Variants in ELOVL2 observed in about 807,000 individuals in gnomAD.
ELOVL2 encodes very long chain fatty acid elongase 2.
In ELOVL2, 38 loss-of-function variants were observed where a neutral mutation model predicts 37.7. The observed-to-expected ratio is 1.01, with a 90% CI of 0.78 to 1.32. The LOEUF is 1.32. Among genes scored for constraint, ELOVL2 ranks in the 40% most tolerant of loss-of-function variants. The pLI is 0.00. For missense variants in ELOVL2, 352 were observed against 363.6 expected (o/e 0.97, Z 0.26); for synonymous variants, 115 against 122.3 (o/e 0.94, Z 0.40).
intron 6 of ELOVL2, 51 bp from the exon 7 acceptor site, chr6:10,989,888 C>G (rs373629160): frequency 5.6e-6 from 9 of 1,608,712 alleles, no homozygotes; most frequent in East Asian, 2.2e-5. Flanking sequence ...CTGTGCCACA[C>G]AGACACTGCG....
chr6:10,991,361 A>C (rs971748857), intron 5 of ELOVL2, among the ~76,000 whole-genome samples: 4 of 152,180 alleles, frequency 2.6e-5, no homozygotes, highest in Non-Finnish European at 4.4e-5. Flanking sequence ...TCTGCGAGCT[A>C]TCCTGTGGTG....
chr6:11,044,269 G>C lies in ELOVL2; in HGVS notation c.-39C>G, dbSNP rs773397569. On this transcript the variant is annotated 5_prime_UTR_variant, in exon 1 of 8. Coordinates refer to ENST00000354666, the MANE Select transcript of ELOVL2 (RefSeq NM_017770.4). The surrounding 1 kb of genome is among the most constrained non-coding windows in gnomAD (Gnocchi z 5.6). The stretch of plus-strand genomic sequence containing the variant: ...TGTGGCGCGGCGACCCGGGCGGGCG[G>C]CGATGCGCTGTCCAGGGTAGCCGGG... 6.8e-6 allele frequency: 9 copies of C among 1,318,386 alleles called. No homozygotes were observed. Among genetic ancestry groups the C allele is most frequent in the Non-Finnish European group, 8.7e-6 (9 of 1,036,388 alleles). The allele number at this position is 1,318,386 out of a possible 1,614,324, so 81.7% of individuals were successfully genotyped here.
chr6:11,000,271 G>T, intron 3 of ELOVL2, 107 bp from the exon 4 acceptor site: 1 of 970,176 alleles, frequency 1.0e-6, no homozygotes. Context: ...GTTTGAGTAG[G>T]AATTTCCCAG....
At chr6:11,016,606 TGA>T (rs1782689299) in intron 1 of ELOVL2, among the ~76,000 whole-genome samples, 1 of 152,166 alleles carries the variant, frequency 6.6e-6, no homozygotes, top group Non-Finnish European at 1.5e-5. Flanking sequence ...TGTACAGAAC[TGA>T]GAGAAGAGGA....
intron 1 of ELOVL2, chr6:11,015,996 T>G (rs1782678701): frequency 1.3e-5 from 2 of 152,224 alleles, no homozygotes; most frequent in Non-Finnish European, 2.9e-5. Flanking sequence ...TAAGGGCCAT[T>G]CTACAGAAGC....
At chr6:10,989,204 GATT>G (rs1289382703) in intron 7 of ELOVL2, among the ~76,000 whole-genome samples, 2 of 152,180 alleles carry the variant, frequency 1.3e-5, no homozygotes, top group Non-Finnish European at 2.9e-5. Flanking sequence ...ATGCCCACTA[GATT>G]ATTAACTGTG....
intron 7 of ELOVL2, 74 bp from the exon 8 acceptor site, chr6:10,983,980 T>C (rs1217738685): frequency 8.4e-6 from 11 of 1,305,656 alleles, no homozygotes; most frequent in Non-Finnish European, 1.2e-5. Context: ...ACAGTGCATA[T>C]AGTTAAAACA....
In ELOVL2 at chr6:10,982,886, T is replaced by C. The variant is rs1424530163; in HGVS notation, c.*895A>G. On this transcript the variant is annotated 3_prime_UTR_variant, in exon 8 of 8. Coordinates refer to ENST00000354666, the MANE Select transcript of ELOVL2 (RefSeq NM_017770.4). The stretch of plus-strand genomic sequence containing the variant: ...ACTCTGCTACTTCTGCTAGTTCTGA[T>C]TTATACATATTCCAGCAGCATGCAT... 1 of 152,358 alleles carries C rather than the reference T, an allele frequency of 6.6e-6. No homozygotes were observed. Among genetic ancestry groups the C allele is most frequent in the South Asian group, 2.1e-4 (1 of 4,832 alleles). The allele number at this position is 152,358 out of a possible 1,614,324, so 9.4% of individuals were successfully genotyped here. A position where few individuals can be genotyped will look rare whatever the true frequency, so the allele number is the denominator to read the frequency against.
chr6:11,019,140 T>C (rs1782728152), intron 1 of ELOVL2, among the ~76,000 whole-genome samples: 1 of 152,314 alleles, frequency 6.6e-6, no homozygotes, highest in Admixed American at 6.5e-5. Context: ...CACCAGGTTA[T>C]TTTCAAGTTA....
rs376639413 is a variant in ELOVL2, at chr6:11,029,223, CAAAAA to C, written c.3+15000_3+15004del. ...AGCCCGGGGCGACAGAGGGAGATCTCAAAAAAAAAAAAAAAAAAAAAAAAAGGTAG... is the reference window on the plus strand; with the variant it reads ...AGCCCGGGGCGACAGAGGGAGATCTCAAAAAAAAAAAAAAAAAAAAGGTAG... On this transcript the variant is annotated intron_variant, in intron 1 of 7. Coordinates refer to ENST00000354666, the MANE Select transcript of ELOVL2 (RefSeq NM_017770.4). 8.3e-3 allele frequency among the ~76,000 whole-genome samples: 629 copies of C among 75,756 alleles called. 3 individuals carry two copies. Among genetic ancestry groups the C allele is most frequent in the South Asian group, 0.019 (49 of 2,576 alleles). The allele number at this position is 75,756 out of a possible 152,430, so 49.7% of individuals were successfully genotyped here.
At chr6:10,986,854 C>A (rs1351470315) in intron 7 of ELOVL2, among the ~76,000 whole-genome samples, 1 of 152,168 alleles carries the variant, frequency 6.6e-6, no homozygotes, top group Non-Finnish European at 1.5e-5. Context: ...CATGATGATG[C>A]TGGCCTCATA....
intron 1 of ELOVL2, among the ~76,000 whole-genome samples, chr6:11,023,581 C>T (rs1478435543): frequency 1.3e-5 from 2 of 152,022 alleles, no homozygotes; most frequent in African/African-American, 2.4e-5. Context: ...GTGAGTCATC[C>T]GGACAGACTA....
intron 1 of ELOVL2, among the ~76,000 whole-genome samples, chr6:11,042,412 G>A (rs919218736): frequency 4.6e-5 from 7 of 152,080 alleles, no homozygotes; most frequent in African/African-American, 1.4e-4. Flanking sequence ...TATCTAAACA[G>A]GAAGCATCAC....
intron 7 of ELOVL2, among the ~76,000 whole-genome samples, chr6:10,985,794 T>TTTG (rs1009153448): frequency 7.2e-5 from 11 of 152,178 alleles, no homozygotes; most frequent in African/African-American, 2.2e-4. Flanking sequence ...TGCCTCCAAC[T>TTTG]TTGTTCTTTT....
At chr6:10,985,274 T>C (rs1319943389) in intron 7 of ELOVL2, among the ~76,000 whole-genome samples, 1 of 151,988 alleles carries the variant, frequency 6.6e-6, no homozygotes, top group Non-Finnish European at 1.5e-5. Flanking sequence ...CTTTGTCAGA[T>C]GAGTAGGTTG....
rs749913053 is a variant in ELOVL2 at position 10,995,146 on chromosome 6, G to A, written c.366C>T (p.Ser122=). ...TTGTGTCCAGGAACTCTACTGATTT[G>A]GAGAAATAGTACCACCAAAGCACCT... ...VAKVLWWYYF[S]KSVEFLDTIF... The change falls in exon 5 of 8, where the codon TCC becomes TCT. Residue 122 remains serine, a synonymous_variant. Transcript: ENST00000354666. 1.2e-6 allele frequency: 2 copies of A among 1,612,038 alleles called. No homozygotes were observed. Among genetic ancestry groups the A allele is most frequent in the South Asian group, 2.2e-5 (2 of 90,606 alleles).
At chr6:11,022,091 T>C (rs891199612) in intron 1 of ELOVL2, among the ~76,000 whole-genome samples, 4 of 152,164 alleles carry the variant, frequency 2.6e-5, no homozygotes, top group Non-Finnish European at 4.4e-5. Context: ...TGAAAAAGAA[T>C]AGGATGTACT....
At chr6:10,988,532 C>A (rs1228536219) in intron 7 of ELOVL2, among the ~76,000 whole-genome samples, 1 of 152,134 alleles carries the variant, frequency 6.6e-6, no homozygotes, top group Non-Finnish European at 1.5e-5. Context: ...CCATTGCACT[C>A]CAGCCTGGGC....
intron 1 of ELOVL2, among the ~76,000 whole-genome samples, chr6:11,013,236 TAATATA>T (rs1331717051): frequency 1.3e-5 from 2 of 152,186 alleles, no homozygotes; most frequent in Non-Finnish European, 2.9e-5. Context: ...CTGGGTTACT[TAATATA>T]GTTAGTAAGG....
Sources: allele counts gnomAD v4.1 joint callset (sites outside exome capture counted in the v4.1 genomes callset), GRCh38; gene constraint gnomAD v4.1.1; non-coding constraint Gnocchi (gnomAD v3.1); transcripts MANE v1.5; gene names NCBI Gene and HGNC (gene_info 2026-07-23, HGNC 2026-07-21).